The following PLEKHG3 variants were observed in gnomAD, a reference collection of about 807,000 sequenced individuals.
PLEKHG3 encodes pleckstrin homology domain-containing family G member 3.
PLEKHG3 carries 62 observed loss-of-function variants against 94.9 expected under a neutral mutation model. The ratio of observed to expected loss-of-function variants is 0.65; its 90% CI spans 0.53 to 0.81. PLEKHG3 has a LOEUF of 0.81. Ranked by LOEUF, PLEKHG3 falls within the 30% of genes least tolerant of loss-of-function variation. The pLI, the probability that PLEKHG3 is intolerant of heterozygous loss-of-function variation, is 0.00. For missense variants in PLEKHG3, 1,461 were observed against 1,619.3 expected, an observed-to-expected ratio of 0.90 and a Z score of 1.68; for synonymous variants, 614 against 654.0, an observed-to-expected ratio of 0.94 and a Z score of 0.93.
exon 17 of PLEKHG3, chr14:64,750,247 A>ATGTT: frequency 7.8e-7 from 1 of 1,289,058 alleles, no homozygotes; most frequent in East Asian, 2.4e-5. Context: ...AAATTACACC[A>ATGTT]TGTTTGTTCT....
chr14:64,734,803 C>T (rs565488125), intron 12 of PLEKHG3, among the ~76,000 whole-genome samples: 1 of 151,576 alleles, frequency 6.6e-6, no homozygotes, highest in African/African-American at 2.4e-5. Context: ...TCACTGCAAC[C>T]TCTGCCTCCC....
intron 12 of PLEKHG3, among the ~76,000 whole-genome samples, chr14:64,734,945 C>T (rs1323332188): frequency 3.9e-5 from 6 of 152,096 alleles, no homozygotes; most frequent in South Asian, 2.1e-4. Flanking sequence ...AGGCTGGTCT[C>T]GAACTCCTGA....
At chr14:64,709,515 G>T (rs1203660550) in intron 1 of PLEKHG3, among the ~76,000 whole-genome samples, 2 of 152,120 alleles carry the variant, frequency 1.3e-5, no homozygotes, top group Non-Finnish European at 2.9e-5. Context: ...TGGGCACAGT[G>T]GTAGCTGTGC....
At chr14:64,740,098 G>C (rs190877959) in intron 15 of PLEKHG3, among the ~76,000 whole-genome samples, 1 of 152,034 alleles carries the variant, frequency 6.6e-6, no homozygotes, top group Non-Finnish European at 1.5e-5. Flanking sequence ...TTTATACAGA[G>C]TCTTTGCAAT....
chr14:64,742,291 A>G lies in PLEKHG3; in HGVS notation c.2774A>G (p.Lys925Arg), dbSNP rs780753947. ...CACGTGAGCGAGCGCGTCAAGAACA[A>G]GGTCTACCAGCTGGCCCGCCAGTAC... ...DSHVSERVKN[K>R]VYQLARQYSL... is the part of the protein sequence containing the mutation. The change falls in exon 16 of 17, where the codon AAG (lysine) becomes AGG (arginine). Residue 925 changes from lysine to arginine, a missense_variant. By Grantham distance (26) the Lys-to-Arg change is conservative. This residue lies in a region of PLEKHG3 where 1,201 missense variants were observed against 1,295.5 expected (regional missense o/e 0.93). Coordinates refer to ENST00000247226, the MANE Select transcript of PLEKHG3 (RefSeq NM_001308147.2). The G allele has an allele frequency of 1.6e-5, 25 of 1,612,738 alleles. No homozygotes were observed. The South Asian group carries it at 2.6e-4, about 17-fold the overall frequency.
chr14:64,709,004 A>G (rs1471837159), intron 1 of PLEKHG3, among the ~76,000 whole-genome samples: 3 of 152,214 alleles, frequency 2.0e-5, no homozygotes, highest in African/African-American at 7.2e-5. Context: ...TGAAGTCAGG[A>G]GAAAGAAAAC....
At position 64,715,207 on chromosome 14, in the gene PLEKHG3, G is replaced by A. The variant is rs1463622758; in HGVS notation, c.-40+10503G>A. Reference sequence around the variant, plus strand: ...TACTCTAGGAACTTGTGAGCAAAAAGTGTTACTTGTAAAAAAAGCAAAAAG... The same window carrying A: ...TACTCTAGGAACTTGTGAGCAAAAAATGTTACTTGTAAAAAAAGCAAAAAG... On this transcript the variant is annotated intron_variant, in intron 1 of 16. Coordinates refer to ENST00000247226, the MANE Select transcript of PLEKHG3 (RefSeq NM_001308147.2). The surrounding 1 kb of genome is among the most constrained non-coding windows in gnomAD (Gnocchi z 4.4). Among the ~76,000 whole-genome samples, 6 of 152,160 alleles carry A rather than the reference G, an allele frequency of 3.9e-5. No homozygotes were observed. The highest frequency in any genetic ancestry group is 7.4e-5 in the Non-Finnish European group (5 of 68,022).
intron 1 of PLEKHG3, among the ~76,000 whole-genome samples, chr14:64,705,050 T>G (rs2080949709): frequency 6.6e-6 from 1 of 152,298 alleles, no homozygotes; most frequent in Admixed American, 6.5e-5. Flanking sequence ...AGGGCTGGTG[T>G]TTGGCTGGAG....
At position 64,732,911 on chromosome 14, in the gene PLEKHG3, G is replaced by T; in HGVS notation, c.1345+10G>T. On this transcript the variant is annotated intron_variant, in intron 12 of 16. Transcript: ENST00000247226. The surrounding 1 kb of genome is among the most constrained non-coding windows in gnomAD (Gnocchi z 4.9). ...GGGCGCCGGCAATCTGGTAAGAGAA[G>T]GGCTGTGGAGGCAGGAGGCCTCTCC... The T allele has an allele frequency of 6.5e-7, 1 of 1,549,644 alleles. No individual in the cohort carries two copies. Among genetic ancestry groups the T allele is most frequent in the Non-Finnish European group, 8.8e-7 (1 of 1,130,434 alleles).
Position 64,749,183 on chromosome 14 carries a change from G to C in PLEKHG3, c.*5480G>C. 1 of 1,252,112 alleles carries C rather than the reference G, an allele frequency of 8.0e-7. No homozygotes were observed. Among genetic ancestry groups the C allele is most frequent in the East Asian group, 2.7e-5 (1 of 37,458 alleles). The allele number at this position is 1,252,112 out of a possible 1,614,324, so 77.6% of individuals were successfully genotyped here. A position where few individuals can be genotyped will look rare whatever the true frequency, so the allele number is the denominator to read the frequency against. On this transcript the variant is annotated 3_prime_UTR_variant, in exon 17 of 17. Coordinates refer to ENST00000247226, the MANE Select transcript of PLEKHG3 (RefSeq NM_001308147.2). The surrounding 1 kb of genome is among the most constrained non-coding windows in gnomAD (Gnocchi z 4.7). ...CTTTTGCAGTGCAGCGTGGGGCCCG[G>C]GGGCCCGGCCCGCGACTCGACTCAT...
At position 64,738,089 on chromosome 14, in the gene PLEKHG3, AGAG is replaced by A. The variant is rs546769475; in HGVS notation, c.1405-637_1405-635del. The A allele has an allele frequency of 1.9e-4, 241 of 1,297,260 alleles. No individual in the cohort carries two copies. The highest frequency in any genetic ancestry group is 6.9e-4 in the Admixed American group (31 of 44,736). 80.4% of individuals were successfully genotyped at this position (1,297,260 alleles called of 1,614,324 possible). A position where few individuals can be genotyped will look rare whatever the true frequency, so the allele number is the denominator to read the frequency against. ...GGGCTGGGCCGGAGCCCCCAGGCTC[AGAG>A]GAGGAGGAGGAGGAGCAGGAGGAGA... On this transcript the variant is annotated intron_variant, in intron 14 of 16. Transcript: ENST00000247226. This position sits in a 1 kb window ranked among gnomAD's most constrained non-coding sequence, Gnocchi z 4.8.
Position 64,743,346 on chromosome 14 carries a change from G to A in PLEKHG3, c.3303G>A (p.Leu1101=). The change falls in exon 17 of 17, where the codon CTG becomes CTA. Residue 1101 remains leucine, a synonymous_variant. Transcript: ENST00000247226. This position sits in a 1 kb window ranked among gnomAD's most constrained non-coding sequence, Gnocchi z 7.2. ...GCAGGGTGGGCCGCTGCCGCAGCCT[G>A]AGCACCAAGAGGGGCCGGGGAGGCG... is the stretch of plus-strand genomic sequence containing the variant. ...LSGRVGRCRS[L]STKRGRGGGE... 1 of 1,607,804 alleles carries A rather than the reference G, an allele frequency of 6.2e-7. No individual in the cohort carries two copies. Among genetic ancestry groups the A allele is most frequent in the Non-Finnish European group, 8.5e-7 (1 of 1,177,392 alleles).
chr14:64,734,267 C>T (rs188356184), intron 12 of PLEKHG3, among the ~76,000 whole-genome samples: 1 of 152,174 alleles, frequency 6.6e-6, no homozygotes, highest in East Asian at 1.9e-4. Context: ...CTCTCTAGCC[C>T]TCTTTCTTTT....
chr14:64,742,964 C>G lies in PLEKHG3; in HGVS notation c.2939-18C>G, dbSNP rs2081740100. The stretch of plus-strand genomic sequence containing the variant: ...CCCTCCCGCCCCATGCTTCAGGCAG[C>G]TTGCTCTCTCCTCATAGGTAAGAGG... On this transcript the variant is annotated intron_variant, in intron 16 of 16. Transcript: ENST00000247226. The G allele has an allele frequency of 1.2e-6, 2 of 1,613,086 alleles. No homozygotes were observed. Among genetic ancestry groups the G allele is most frequent in the African/African-American group, 2.7e-5 (2 of 75,056 alleles).
At position 64,742,437 on chromosome 14, in the gene PLEKHG3, G is replaced by A. The variant is rs1017423367; in HGVS notation, c.2920G>A (p.Glu974Lys). ...TVPCLQEEAG[E>K]PLGGKGKRKP... ...GCCCTGTCTACAGGAAGAGGCTGGA[G>A]AGCCATTAGGTGGCAAAGGTATGAC... The change falls in exon 16 of 17, where the codon GAG becomes AAG. Residue 974 changes from glutamate (E) to lysine (K), a missense_variant. Coordinates refer to ENST00000247226, the MANE Select transcript of PLEKHG3 (RefSeq NM_001308147.2). 1.2e-6 allele frequency: 2 copies of A among 1,607,864 alleles called. No homozygotes were observed. Among genetic ancestry groups the A allele is most frequent in the East Asian group, 2.2e-5 (1 of 44,760 alleles).
At position 64,730,584 on chromosome 14, in the gene PLEKHG3, C is replaced by A. The variant is rs147320201; in HGVS notation, c.520-58C>A. On this transcript the variant is annotated intron_variant, in intron 4 of 16. Coordinates refer to ENST00000247226, the MANE Select transcript of PLEKHG3 (RefSeq NM_001308147.2). The surrounding 1 kb of genome is among the most constrained non-coding windows in gnomAD (Gnocchi z 5.4). ...GGGGCCAGGGGCCTATCTGCTACCA[C>A]CATCTTTACTGTCAAATGAGAATCT... 1.4e-6 allele frequency: 2 copies of A among 1,443,032 alleles called. No homozygotes were observed. 89.4% of individuals were successfully genotyped at this position (1,443,032 alleles called of 1,614,324 possible).
Position 64,719,094 on chromosome 14 carries a change from T to A in PLEKHG3, c.-39-8499T>A, listed in dbSNP as rs114381090. On this transcript the variant is annotated intron_variant, in intron 1 of 16. Coordinates refer to ENST00000247226, the MANE Select transcript of PLEKHG3 (RefSeq NM_001308147.2). ...TGTTGGGTATGGGTGTCAGACTACT[T>A]TTCCTTTCCAGCTGAACTGCTGTGT... Among the ~76,000 whole-genome samples, 562 of 152,258 alleles carry A rather than the reference T, an allele frequency of 3.7e-3. 5 individuals are homozygous for A. Among genetic ancestry groups the A allele is most frequent in the African/African-American group, 0.013 (542 of 41,536 alleles).
At position 64,749,645 on chromosome 14, in the gene PLEKHG3, C is replaced by T. The variant is rs748606984; in HGVS notation, c.*5942C>T. On this transcript the variant is annotated 3_prime_UTR_variant, in exon 17 of 17. Coordinates refer to ENST00000247226, the MANE Select transcript of PLEKHG3 (RefSeq NM_001308147.2). This position sits in a 1 kb window ranked among gnomAD's most constrained non-coding sequence, Gnocchi z 4.7. ...TTAGCCAGGTCTGGGCTAGGCTGCC[C>T]GCGCTTACCTCATCCTTGCCATGGA... 8 of 1,613,526 alleles carry T rather than the reference C, an allele frequency of 5.0e-6. No homozygotes were observed. The highest frequency in any genetic ancestry group is 4.0e-5 in the African/African-American group (3 of 74,938).
At chr14:64,729,502 A>T (rs1189719877) in intron 3 of PLEKHG3, among the ~76,000 whole-genome samples, 1 of 152,086 alleles carries the variant, frequency 6.6e-6, no homozygotes, top group Non-Finnish European at 1.5e-5. Flanking sequence ...CTATTAGTGG[A>T]TTGCACAACC....
Sources: allele counts gnomAD v4.1 joint callset (sites outside exome capture counted in the v4.1 genomes callset), GRCh38; gene constraint gnomAD v4.1.1; regional missense constraint gnomAD v4.1.1; non-coding constraint Gnocchi (gnomAD v3.1); transcripts MANE v1.5; gene names NCBI Gene and HGNC (gene_info 2026-07-23, HGNC 2026-07-21).